DDX42: variants seen among roughly 807,000 people sequenced by gnomAD.
The protein encoded by DDX42 is ATP-dependent RNA helicase DDX42.
Under a neutral mutation model 101.5 loss-of-function variants are expected in DDX42, and 22 were observed. The observed-to-expected ratio is 0.22, with a 90% CI of 0.15 to 0.31. The LOEUF is 0.31. DDX42 is among the 10% of genes least tolerant of loss of function. The pLI, the probability that DDX42 is intolerant of heterozygous loss-of-function variation, is 1.00. For synonymous variants in DDX42, 402 were observed against 401.2 expected, an observed-to-expected ratio of 1.00 and a Z score of -0.02; for missense variants, 849 against 1,199.9, an observed-to-expected ratio of 0.71 and a Z score of 4.32.
chr17:63,796,731 C>T (rs2039697714), intron 3 of DDX42, among the ~76,000 whole-genome samples: 1 of 152,210 alleles, frequency 6.6e-6, no homozygotes, highest in Admixed American at 6.5e-5. Flanking sequence ...ATATGTTCTA[C>T]CACTTTTGGT....
intron 1 of DDX42, among the ~76,000 whole-genome samples, chr17:63,783,111 C>T (rs1410891515): frequency 2.0e-5 from 3 of 152,164 alleles, no homozygotes; most frequent in African/African-American, 7.2e-5. Flanking sequence ...TGCCTTTGCT[C>T]CCACTCATGG....
intron 9 of DDX42, among the ~76,000 whole-genome samples, chr17:63,808,147 T>C (rs1455062889): frequency 2.0e-5 from 3 of 152,218 alleles, no homozygotes; most frequent in Non-Finnish European, 4.4e-5. Flanking sequence ...ATACATATTT[T>C]CCCCTAAAAA....
intron 6 of DDX42, among the ~76,000 whole-genome samples, chr17:63,802,492 A>G (rs1054592934): frequency 3.3e-5 from 5 of 152,260 alleles, no homozygotes; most frequent in Admixed American, 1.3e-4. Flanking sequence ...TTTCGGCCAG[A>G]CGCAATGGCT....
chr17:63,806,487 G>A (rs1255572959), intron 7 of DDX42, 48 bp from the exon 8 acceptor site: 3 of 1,564,156 alleles, frequency 1.9e-6, no homozygotes, highest in Admixed American at 3.7e-5. Flanking sequence ...TTCAAATGCT[G>A]TTAATGTTGA....
intron 2 of DDX42, among the ~76,000 whole-genome samples, chr17:63,788,899 TTTG>T (rs543005917): frequency 2.1e-3 from 314 of 152,010 alleles, no homozygotes; most frequent in African/African-American, 7.2e-3. Flanking sequence ...TTGTTTTGTT[TTTG>T]TTGTTGTTTT....
At chr17:63,782,598 A>G (rs1381599583) in intron 1 of DDX42, among the ~76,000 whole-genome samples, 1 of 152,278 alleles carries the variant, frequency 6.6e-6, no homozygotes, top group South Asian at 2.1e-4. Context: ...TTCCACACCA[A>G]TTACTGGTCA....
rs2039920277 is a variant in DDX42, at chr17:63,812,309, CTG to C, written c.1675+103_1675+104del. On this transcript the variant is annotated intron_variant, in intron 14 of 17. Coordinates refer to ENST00000389924, the MANE Select transcript of DDX42 (RefSeq NM_203499.3). ...ATATCTGAGCAGGCTGATGGAAAGA[CTG>C]TTGGCCTGGCTGGCCATCCCCTCCC... The C allele has an allele frequency of 1.1e-5, 16 of 1,442,358 alleles. 1 individual carries two copies. The South Asian group carries it at 2.3e-4, about 21-fold the overall frequency. 89.3% of individuals were successfully genotyped at this position (1,442,358 alleles called of 1,614,324 possible). A position where few individuals can be genotyped will look rare whatever the true frequency, so the allele number is the denominator to read the frequency against.
At chr17:63,798,411 T>A (rs1474715570) in intron 4 of DDX42, among the ~76,000 whole-genome samples, 1 of 152,250 alleles carries the variant, frequency 6.6e-6, no homozygotes, top group East Asian at 1.9e-4. Context: ...CTCATTGTTC[T>A]GAGTTTGTCG....
rs943661743 is a variant in DDX42, at chr17:63,786,095, G to A, written c.-16-939G>A. Among the ~76,000 whole-genome samples, 8 of 152,116 alleles carry A rather than the reference G, an allele frequency of 5.3e-5. 1 individual carries two copies. Among genetic ancestry groups the A allele is most frequent in the Non-Finnish European group, 1.0e-4 (7 of 68,026 alleles). Reference sequence around the variant, plus strand: ...AATTAGCAGGCAAATCCTTTTGGAGGGGATGATATTAAATACTGCATTCTG... The same window carrying A: ...AATTAGCAGGCAAATCCTTTTGGAGAGGATGATATTAAATACTGCATTCTG... On this transcript the variant is annotated intron_variant, in intron 1 of 17. Coordinates refer to ENST00000389924, the MANE Select transcript of DDX42 (RefSeq NM_203499.3).
intron 2 of DDX42, 126 bp from the exon 3 acceptor site, chr17:63,792,286 T>G: frequency 1.0e-6 from 1 of 976,154 alleles, no homozygotes; most frequent in Non-Finnish European, 1.5e-6. Context: ...GCCTTGGAGG[T>G]CTCTAATTTG....
At chr17:63,817,419 G>C in intron 17 of DDX42, 1 of 372,486 alleles carries the variant, frequency 2.7e-6, no homozygotes, top group Non-Finnish European at 4.8e-6. Flanking sequence ...TTTGAATGCA[G>C]ATAAATGTGC....
At chr17:63,794,279 C>T (rs2039665411) in intron 3 of DDX42, among the ~76,000 whole-genome samples, 1 of 152,092 alleles carries the variant, frequency 6.6e-6, no homozygotes, top group African/African-American at 2.4e-5. Flanking sequence ...CATGGTGGCT[C>T]ATACCTATAA....
At chr17:63,779,020 T>C (rs1009810996) in intron 1 of DDX42, among the ~76,000 whole-genome samples, 2 of 152,168 alleles carry the variant, frequency 1.3e-5, no homozygotes, top group Non-Finnish European at 1.5e-5. Context: ...CAGTGGTTAT[T>C]GGTCAGTATA....
At position 63,803,292 on chromosome 17, in the gene DDX42, A is replaced by T. The variant is rs752604035; in HGVS notation, c.622-1779A>T. Among the ~76,000 whole-genome samples, 18 of 152,162 alleles carry T rather than the reference A, an allele frequency of 1.2e-4. 1 individual carries two copies. The highest frequency in any genetic ancestry group is 3.4e-3 in the Middle Eastern group (1 of 294). On this transcript the variant is annotated intron_variant, in intron 6 of 17. Transcript: ENST00000389924. The stretch of plus-strand genomic sequence containing the variant: ...CTTGTCAAGTTTTAGTGTAAAATAA[A>T]AAGTATCTGAAAAGGGCTGGGTGCG...
chr17:63,794,540 T>C (rs1302865674), intron 3 of DDX42, among the ~76,000 whole-genome samples: 1 of 151,916 alleles, frequency 6.6e-6, no homozygotes, highest in Non-Finnish European at 1.5e-5. Context: ...CACTTTAGAC[T>C]ATGTGCCGTA....
rs2039991979 is a variant in DDX42 at position 63,817,602 on chromosome 17, A to T, written c.2113-92A>T. 8 of 1,250,624 alleles carry T rather than the reference A, an allele frequency of 6.4e-6. No homozygotes were observed. In the South Asian group the frequency reaches 8.4e-5, roughly 13 times the overall value. 77.5% of individuals were successfully genotyped at this position (1,250,624 alleles called of 1,614,324 possible). A position where few individuals can be genotyped will look rare whatever the true frequency, so the allele number is the denominator to read the frequency against. ...AACTCACAGTGCCAGGATAGCACAG[A>T]GTTTCTGTAAACCTCATCATTTGCC... On this transcript the variant is annotated intron_variant, in intron 17 of 17. Coordinates refer to ENST00000389924, the MANE Select transcript of DDX42 (RefSeq NM_203499.3).
intron 3 of DDX42, 148 bp downstream of exon 3, chr17:63,792,710 A>G (rs1253711575): frequency 1.0e-5 from 8 of 783,520 alleles, no homozygotes; most frequent in Middle Eastern, 3.0e-4. Context: ...ATAGTTGCAT[A>G]TATCTACTTC....
In DDX42 at chr17:63,818,190, G is replaced by A. The variant is rs748054230; in HGVS notation, c.2609G>A (p.Arg870Gln). Residue 870 changes from arginine to glutamine, a missense_variant, in exon 18 of 18, where the codon CGG (arginine) becomes CAG (glutamine). By Grantham distance (43) the Arg-to-Gln change is conservative (BLOSUM62 1). Coordinates refer to ENST00000389924, the MANE Select transcript of DDX42 (RefSeq NM_203499.3). The part of the protein sequence containing the change: ...GENRHGGSAG[R>Q]HGENRGANDG... ...AACAGACATGGAGGAAGCGCAGGCC[G>A]GCATGGGGAGAACCGGGGTGCAAAT... 24 of 1,614,016 alleles carry A rather than the reference G, an allele frequency of 1.5e-5. No individual in the cohort carries two copies. The highest frequency in any genetic ancestry group is 1.6e-4 in the Middle Eastern group (1 of 6,062).
In DDX42 at chr17:63,812,209, G is replaced by GT; in HGVS notation, c.1675+2dup. ...GTCCTGGTGGCCACAGATGTTGCAG[G>GT]TAGAGTATGAATTTTTCAACAACAT... On this transcript the variant is annotated splice_donor_variant, in intron 14 of 17. Coordinates refer to ENST00000389924, the MANE Select transcript of DDX42 (RefSeq NM_203499.3). LOFTEE classifies it high-confidence loss of function. 1 of 1,609,398 alleles carries GT rather than the reference G, an allele frequency of 6.2e-7. No individual in the cohort carries two copies. Among genetic ancestry groups the GT allele is most frequent in the Non-Finnish European group, 8.5e-7 (1 of 1,177,492 alleles).
Sources: gnomAD v4.1 joint callset for allele counts (sites outside exome capture counted in the v4.1 genomes callset) on GRCh38, gnomAD v4.1.1 for gene constraint, MANE v1.5 for transcripts, NCBI Gene and HGNC (gene_info 2026-07-23, HGNC 2026-07-21) for gene names.